HDC: variants seen among roughly 807,000 people sequenced by gnomAD.
The protein encoded by HDC is histidine decarboxylase.
Under a neutral mutation model 64.4 loss-of-function variants are expected in HDC, and 27 were observed. That is an observed-to-expected ratio of 0.42 (90% CI 0.31 to 0.58). The LOEUF (loss-of-function observed/expected upper bound fraction) is 0.58, where lower values mean the gene tolerates loss of function less well. Ranked by LOEUF, HDC falls within the 20% of genes least tolerant of loss-of-function variation. HDC has a pLI of 0.16. For synonymous variants in HDC, 305 were observed against 314.2 expected, an observed-to-expected ratio of 0.97 and a Z score of 0.31; for missense variants, 711 against 833.9, an observed-to-expected ratio of 0.85 and a Z score of 1.81.
rs1043722542 is a variant in HDC, at chr15:50,242,149, C to T, written c.*111G>A. ...GAGAATTTGATTAAAATTATGAACT[C>T]GCCCCAAGAAAAATGCATGTACACA... On this transcript the variant is annotated 3_prime_UTR_variant, in exon 12 of 12. Coordinates refer to ENST00000267845, the MANE Select transcript of HDC (RefSeq NM_002112.4). The T allele has an allele frequency of 1.0e-5, 9 of 903,394 alleles. No individual in the cohort carries two copies. The African/African-American group carries it at 1.2e-4, about 12-fold the overall frequency. The allele number at this position is 903,394 out of a possible 1,614,324, so 56.0% of individuals were successfully genotyped here.
At chr15:50,250,675 T>A (rs1449219340) in intron 9 of HDC, among the ~76,000 whole-genome samples, 1 of 152,204 alleles carries the variant, frequency 6.6e-6, no homozygotes, top group Non-Finnish European at 1.5e-5. Flanking sequence ...CAATTCACAC[T>A]CAGGAAGCAA....
Position 50,242,542 on chromosome 15 carries a change from C to G in HDC, c.1707G>C (p.Leu569=). The change falls in exon 12 of 12, where the codon CTG becomes CTC. Residue 569 remains leucine (L), a synonymous_variant. Transcript: ENST00000267845. ...TAGTCTGCACAGACAAGTAACTGAA[C>G]AGGAAGGAGGACAGCTTGTGCTTGG... The part of the protein sequence containing the change: ...DATKHKLSSF[L]FSYLSVQTKK... 1 of 1,614,184 alleles carries G rather than the reference C, an allele frequency of 6.2e-7. No homozygotes were observed. Among genetic ancestry groups the G allele is most frequent in the Middle Eastern group, 1.6e-4 (1 of 6,062 alleles).
intron 10 of HDC, 24 bp from the exon 11 acceptor site, chr15:50,243,268 A>G: frequency 7.1e-7 from 1 of 1,411,784 alleles, no homozygotes; most frequent in Non-Finnish European, 1.0e-6. Flanking sequence ...TATAAAGAGA[A>G]CTGAGATTAA....
At chr15:50,261,711 A>G (rs1320001603) in intron 2 of HDC, among the ~76,000 whole-genome samples, 1 of 130,990 alleles carries the variant, frequency 7.6e-6, no homozygotes, top group Non-Finnish European at 1.7e-5. Context: ...TATTTTTGTC[A>G]CTTTTTTTTT....
chr15:50,252,768 C>G lies in HDC; in HGVS notation c.794G>C (p.Arg265Pro), dbSNP rs138457034. 1 of 1,612,750 alleles carries G rather than the reference C, an allele frequency of 6.2e-7. No homozygotes were observed. The highest frequency in any genetic ancestry group is 1.3e-5 in the African/African-American group (1 of 75,022). ...ATCGATGTGGAGCCACAGCCCCTCA[C>G]GGGCACCTGAGGAGGCAAACATCAC... is the stretch of plus-strand genomic sequence containing the variant. ...CLSELGPICA[R>P]EGLWLHIDAA... The change falls in exon 8 of 12, where the codon CGT (arginine) becomes CCT (proline). Residue 265 changes from arginine to proline, a missense_variant. Coordinates refer to ENST00000267845, the MANE Select transcript of HDC (RefSeq NM_002112.4).
intron 10 of HDC, among the ~76,000 whole-genome samples, chr15:50,246,097 T>G (rs1004006148): frequency 6.6e-6 from 1 of 152,142 alleles, no homozygotes; most frequent in Non-Finnish European, 1.5e-5. Flanking sequence ...AAGAAAGGAT[T>G]TGGAATTGGG....
intron 2 of HDC, among the ~76,000 whole-genome samples, chr15:50,261,404 G>A (rs1164031372): frequency 2.6e-5 from 4 of 152,070 alleles, no homozygotes; most frequent in East Asian, 3.9e-4. Context: ...TCTAGCCTCC[G>A]TAAAGCCTTA....
At position 50,242,332 on chromosome 15, in the gene HDC, G is replaced by T; in HGVS notation, c.1917C>A (p.Val639=). The change falls in exon 12 of 12, where the codon GTC becomes GTA. Residue 639 remains valine, a synonymous_variant. Transcript: ENST00000267845. ...AFKKLIKFYS[V]PSFPECSSQC... is the part of the protein sequence containing the mutation. Reference sequence around the variant, plus strand: ...GAGAGCTGCATTCAGGAAAGCTGGGGACGCTGTAGAATTTGATGAGTTTTT... The same window carrying T: ...GAGAGCTGCATTCAGGAAAGCTGGGTACGCTGTAGAATTTGATGAGTTTTT... 1 of 1,614,152 alleles carries T rather than the reference G, an allele frequency of 6.2e-7. No homozygotes were observed.
rs1041904252 is a variant in HDC at position 50,248,870 on chromosome 15, C to T, written c.1042-527G>A. ...GTGCCACCTCACTGGCTCATCAGTC[C>T]GGGACATAAAGAACCAATTGCACCT... is the stretch of plus-strand genomic sequence containing the variant. On this transcript the variant is annotated intron_variant, in intron 9 of 11. Coordinates refer to ENST00000267845, the MANE Select transcript of HDC (RefSeq NM_002112.4). This position sits in a 1 kb window ranked among gnomAD's most constrained non-coding sequence, Gnocchi z 4.3. Among the ~76,000 whole-genome samples, 2 of 152,074 alleles carry T rather than the reference C, an allele frequency of 1.3e-5. No individual in the cohort carries two copies. Among genetic ancestry groups the T allele is most frequent in the African/African-American group, 2.4e-5 (1 of 41,384 alleles).
At chr15:50,245,323 G>T (rs572582118) in intron 10 of HDC, among the ~76,000 whole-genome samples, 1 of 152,194 alleles carries the variant, frequency 6.6e-6, no homozygotes, top group East Asian at 1.9e-4. Flanking sequence ...GGCCCACAAA[G>T]CCAAAAGTAT....
intron 2 of HDC, among the ~76,000 whole-genome samples, chr15:50,261,274 A>G (rs976118764): frequency 2.0e-5 from 3 of 152,202 alleles, no homozygotes; most frequent in African/African-American, 7.2e-5. Flanking sequence ...TCTTGATCAA[A>G]TGAATCAGCT....
At chr15:50,252,871 G>A in intron 7 of HDC, 97 bp from the exon 8 acceptor site, 2 of 1,272,302 alleles carry the variant, frequency 1.6e-6, no homozygotes, top group Non-Finnish European at 2.2e-6. Flanking sequence ...CAAGGATGAT[G>A]TGCTTTGGCT....
chr15:50,252,194 G>A (rs1035282695), intron 9 of HDC, among the ~76,000 whole-genome samples: 4 of 152,216 alleles, frequency 2.6e-5, no homozygotes, highest in Non-Finnish European at 5.9e-5. Context: ...TTCAGGAAAT[G>A]TGCACACTGC....
Position 50,254,604 on chromosome 15 carries a change from C to A in HDC, c.502G>T (p.Glu168Ter). ...GCATCGGGCTCAGACGTTTTCATTT[C>A]CAGGATTTTGTTCTTCCTTGCTGCC... ...LLAARKNKIL[E>*]MKTSEPDADE... is the part of the protein sequence containing the mutation. The change falls in exon 5 of 12, where the codon GAA (glutamate) becomes TAA (stop). Residue 168 changes from glutamate (E) to a stop codon, truncating the protein, a stop_gained. Transcript: ENST00000267845. LOFTEE classifies it high-confidence loss of function. 6.2e-7 allele frequency: 1 copy of A among 1,614,178 alleles called. No homozygotes were observed. Among genetic ancestry groups the A allele is most frequent in the Non-Finnish European group, 8.5e-7 (1 of 1,180,024 alleles).
At chr15:50,262,089 A>C (rs982054456) in intron 2 of HDC, among the ~76,000 whole-genome samples, 1 of 152,024 alleles carries the variant, frequency 6.6e-6, no homozygotes, top group African/African-American at 2.4e-5. Context: ...GCCTCTAAAC[A>C]TGTGTGGTTC....
chr15:50,242,875 A>T lies in HDC; in HGVS notation c.1374T>A (p.Asp458Glu). The change falls in exon 12 of 12, where the codon GAT becomes GAA. Residue 458 changes from aspartate to glutamate, a missense_variant. Asp to Glu is a conservative substitution (Grantham distance 45). Transcript: ENST00000267845. Reference protein sequence around the residue: ...FTVTSQFTTRDDILRDWNLIR... With the variant: ...FTVTSQFTTREDILRDWNLIR... ...TGAGATTCCAGTCTCTCAGGATGTC[A>T]TCCCTAGTGGTAAACTGGGATGTCA... The T allele has an allele frequency of 6.2e-7, 1 of 1,614,034 alleles. No individual in the cohort carries two copies. Among genetic ancestry groups the T allele is most frequent in the Middle Eastern group, 1.6e-4 (1 of 6,062 alleles).
rs762979266 is a variant in HDC at position 50,254,774 on chromosome 15, CTCTG to C, written c.442-114_442-111del. On this transcript the variant is annotated intron_variant, in intron 4 of 11. Transcript: ENST00000267845. Reference sequence around the variant, plus strand: ...TCTCTCTCTCTCTCTCTCTCTCTCTCTCTGTGTGTGTATGTGTTTGTGTATGTGT... The same window carrying C: ...TCTCTCTCTCTCTCTCTCTCTCTCTCTGTGTGTATGTGTTTGTGTATGTGT... 1.9e-4 allele frequency: 176 copies of C among 926,098 alleles called. 1 individual carries two copies. The highest frequency in any genetic ancestry group is 9.4e-4 in the Middle Eastern group (3 of 3,186). 57.4% of individuals were successfully genotyped at this position (926,098 alleles called of 1,614,324 possible). A position where few individuals can be genotyped will look rare whatever the true frequency, so the allele number is the denominator to read the frequency against.
chr15:50,259,791 T>G (rs2045679508), intron 2 of HDC, among the ~76,000 whole-genome samples: 1 of 152,208 alleles, frequency 6.6e-6, no homozygotes, highest in Non-Finnish European at 1.5e-5. Flanking sequence ...TGATAACATC[T>G]TAGGGCATCA....
Position 50,265,635 on chromosome 15 carries a change from T to C in HDC, c.-12A>G, listed in dbSNP as rs769424438. ...TCAGGCTCCATCATCTCCCTTGGGCTCTGGCTCCTTCTCACAGATGGACAC... is the reference window on the plus strand; with the variant it reads ...TCAGGCTCCATCATCTCCCTTGGGCCCTGGCTCCTTCTCACAGATGGACAC... On this transcript the variant is annotated 5_prime_UTR_variant, in exon 1 of 12. Coordinates refer to ENST00000267845, the MANE Select transcript of HDC (RefSeq NM_002112.4). 1.2e-6 allele frequency: 2 copies of C among 1,613,862 alleles called. No homozygotes were observed. Among genetic ancestry groups the C allele is most frequent in the Non-Finnish European group, 1.7e-6 (2 of 1,179,740 alleles).
Sources: gnomAD v4.1 joint callset for allele counts (sites outside exome capture counted in the v4.1 genomes callset) on GRCh38, gnomAD v4.1.1 for gene constraint, Gnocchi (gnomAD v3.1) non-coding constraint, MANE v1.5 for transcripts, NCBI Gene and HGNC (gene_info 2026-07-23, HGNC 2026-07-21) for gene names.